Variants in NEB observed in about 807,000 individuals in gnomAD.
NEB encodes the protein nebulin.
Under a neutral mutation model 952.2 loss-of-function variants are expected in NEB, and 512 were observed. The ratio of observed to expected loss-of-function variants is 0.54; its 90% CI spans 0.50 to 0.58. The LOEUF (loss-of-function observed/expected upper bound fraction) is 0.58. Ranked by LOEUF, NEB falls within the 20% of genes least tolerant of loss-of-function variation. NEB has a pLI of 0.00. For synonymous variants in NEB, 2,900 were observed against 3,149.8 expected (o/e 0.92, Z 2.66); for missense variants, 8,428 against 9,231.1 (o/e 0.91, Z 3.56).
At chr2:151,563,064 G>A (rs1000026044) in intron 119 of NEB, among the ~76,000 whole-genome samples, 6 of 130,402 alleles carry the variant, frequency 4.6e-5, no homozygotes, top group African/African-American at 8.7e-5. Context: ...GCCCAGACTG[G>A]ATTGCAATGG....
intron 181 of NEB, among the ~76,000 whole-genome samples, chr2:151,487,288 A>T (rs1488399998): frequency 6.6e-6 from 1 of 152,212 alleles, no homozygotes; most frequent in Non-Finnish European, 1.5e-5. Flanking sequence ...TTGGAGGTAT[A>T]TAATAAGTGA....
rs748799656 is a variant in NEB at position 151,620,935 on chromosome 2, C to G, written c.10544G>C (p.Arg3515Pro). Residue 3515 changes from arginine to proline, a missense_variant, in exon 72 of 182, where the codon CGG (arginine) becomes CCG (proline). By Grantham distance (103) the Arg-to-Pro change is moderately radical (BLOSUM62 -2). This residue lies in a region of NEB where 1,772 missense variants were observed against 1,960.3 expected (regional missense o/e 0.90). Transcript: ENST00000397345. ...AIPIVAAKAS[R>P]DIASDYKYKE... Reference sequence around the variant, plus strand: ...AGCTCTTACATCACTGGCAATATCCCGAGAGGCCTTGGCAGCCACAATGGG... The same window carrying G: ...AGCTCTTACATCACTGGCAATATCCGGAGAGGCCTTGGCAGCCACAATGGG... 1 of 1,611,636 alleles carries G rather than the reference C, an allele frequency of 6.2e-7. No individual in the cohort carries two copies. Among genetic ancestry groups the G allele is most frequent in the Non-Finnish European group, 8.5e-7 (1 of 1,178,842 alleles).
Position 151,526,150 on chromosome 2 carries a change from G to T in NEB, c.22050+8C>A. The T allele has an allele frequency of 6.2e-7, 1 of 1,613,562 alleles. No homozygotes were observed. Among genetic ancestry groups the T allele is most frequent in the Non-Finnish European group, 8.5e-7 (1 of 1,179,522 alleles). On this transcript the variant is annotated splice_region_variant and intron_variant, in intron 149 of 181. Transcript: ENST00000397345. ...GGGAAGCAGAACTCATGGGCGGCTG[G>T]GGGTTACCTCAGACACCAGGTTGCT...
chr2:151,713,107 C>T (rs893162034), intron 10 of NEB, among the ~76,000 whole-genome samples: 6 of 152,154 alleles, frequency 3.9e-5, no homozygotes, highest in Non-Finnish European at 7.4e-5. Flanking sequence ...TGTTTCCCTC[C>T]TCCTCAGAGG....
chr2:151,629,901 C>G (rs1574373299), intron 67 of NEB, among the ~76,000 whole-genome samples: 1 of 151,214 alleles, frequency 6.6e-6, no homozygotes, highest in African/African-American at 2.4e-5. Flanking sequence ...GATTAATATG[C>G]TATACATAGA....
At position 151,581,848 on chromosome 2, in the gene NEB, A is replaced by G. The variant is rs2097110197; in HGVS notation, c.16180-261T>C. ...TCTCCGATATAAACGTAGATTATAC[A>G]TAGCATAAGCCACTGCACCTTGCCT... On this transcript the variant is annotated intron_variant, in intron 102 of 181. Coordinates refer to ENST00000397345, the MANE Select transcript of NEB (RefSeq NM_001164508.2). 2.1e-5 allele frequency among the ~76,000 whole-genome samples: 3 copies of G among 143,800 alleles called. No individual in the cohort carries two copies. In the Admixed American group the frequency reaches 2.1e-4, roughly 10 times the overall value. 94.3% of individuals were successfully genotyped at this position (143,800 alleles called of 152,430 possible). A position where few individuals can be genotyped will look rare whatever the true frequency, so the allele number is the denominator to read the frequency against.
At position 151,650,893 on chromosome 2, in the gene NEB, CAG is replaced by C; in HGVS notation, c.6916-10_6916-9del. 1 of 1,598,192 alleles carries C rather than the reference CAG, an allele frequency of 6.3e-7. No homozygotes were observed. Among genetic ancestry groups the C allele is most frequent in the South Asian group, 1.1e-5 (1 of 88,348 alleles). On this transcript the variant is annotated splice_polypyrimidine_tract_variant and intron_variant, in intron 52 of 181. Coordinates refer to ENST00000397345, the MANE Select transcript of NEB (RefSeq NM_001164508.2). ...GCCTTGTTTGTATTTATACTGAAAT[CAG>C]AGAAAACACAGCTCTTTTAGTACAC... is the stretch of plus-strand genomic sequence containing the variant.
chr2:151,657,578 A>G (rs2099099154), intron 48 of NEB, among the ~76,000 whole-genome samples: 1 of 152,222 alleles, frequency 6.6e-6, no homozygotes, highest in African/African-American at 2.4e-5. Context: ...TTTACTCATC[A>G]ACTATCATGA....
intron 146 of NEB, 123 bp from the exon 147 acceptor site, chr2:151,527,708 G>A (rs967433093): frequency 1.5e-6 from 1 of 687,550 alleles, no homozygotes; most frequent in South Asian, 1.9e-5. Flanking sequence ...AATGCAAGAG[G>A]AAGCCCCAAT....
Position 151,614,341 on chromosome 2 carries a change from A to G in NEB, c.11536T>C (p.Trp3846Arg), listed in dbSNP as rs751812161. The G allele has an allele frequency of 1.2e-6, 2 of 1,613,970 alleles. No individual in the cohort carries two copies. Among genetic ancestry groups the G allele is most frequent in the Middle Eastern group, 1.6e-4 (1 of 6,062 alleles). Residue 3846 changes from tryptophan to arginine, a missense_variant, in exon 77 of 182, where the codon TGG becomes CGG. By Grantham distance (101) the Trp-to-Arg change is moderately radical. Around this residue, in one of 11 missense-constraint regions of NEB, gnomAD observed 1,772 missense variants for 1,960.3 expected, o/e 0.90. Transcript: ENST00000397345. Reference protein sequence around the residue: ...DIDYKHPLHEWTCLPDQNDVI... With the variant: ...DIDYKHPLHERTCLPDQNDVI... ...TCATTCTGATCAGGCAGGCAGGTCC[A>G]TTCATGCAGGGGATGCTTGTAGTCT...
At chr2:151,723,298 T>G in intron 9 of NEB, 84 bp downstream of exon 9, 1 of 833,444 alleles carries the variant, frequency 1.2e-6, no homozygotes, top group South Asian at 1.9e-5. Context: ...TACAGAAGAG[T>G]TGCAGTGACC....
intron 157 of NEB, 27 bp downstream of exon 157, chr2:151,516,432 T>C (rs201482825): frequency 6.8e-7 from 1 of 1,460,610 alleles, no homozygotes; most frequent in South Asian, 1.2e-5. Context: ...TGGATCATTG[T>C]TGTGTGGTGT....
At position 151,717,477 on chromosome 2, in the gene NEB, G is replaced by A. The variant is rs376835458; in HGVS notation, c.761C>T (p.Thr254Met). The A allele has an allele frequency of 9.3e-6, 15 of 1,613,822 alleles. No individual in the cohort carries two copies. Among genetic ancestry groups the A allele is most frequent in the Admixed American group, 8.3e-5 (5 of 60,006 alleles). Residue 254 changes from threonine (T) to methionine (M), a missense_variant, in exon 10 of 182, where the codon ACG (threonine) becomes ATG (methionine). This residue lies in a region of NEB where 2,851 missense variants were observed against 2,791.5 expected (regional missense o/e 1.02). Coordinates refer to ENST00000397345, the MANE Select transcript of NEB (RefSeq NM_001164508.2). ...KGLAEQQAQFTPLADPPDIEF... is the reference protein window; with the variant it reads ...KGLAEQQAQFMPLADPPDIEF... ...TATATCTGGAGGATCAGCCAGAGGC[G>A]TGAATTGAGCTTGCTGTTCAGCGAG...
At chr2:151,641,857 A>C (rs2098859055) in intron 60 of NEB, among the ~76,000 whole-genome samples, 1 of 152,224 alleles carries the variant, frequency 6.6e-6, no homozygotes, top group Admixed American at 6.5e-5. Context: ...GTACATGTGC[A>C]CAACGTGCAG....
chr2:151,527,030 A>G lies in NEB; in HGVS notation c.21841-8T>C, dbSNP rs1375166730. On this transcript the variant is annotated splice_polypyrimidine_tract_variant and splice_region_variant and intron_variant, in intron 147 of 181. Coordinates refer to ENST00000397345, the MANE Select transcript of NEB (RefSeq NM_001164508.2). Reference sequence around the variant, plus strand: ...GTCCAGCTTATATTCAAACTGTGATAGAAGAAAGGCAGAAGAAAAGGGAAG... The same window carrying G: ...GTCCAGCTTATATTCAAACTGTGATGGAAGAAAGGCAGAAGAAAAGGGAAG... The G allele has an allele frequency of 3.8e-6, 6 of 1,568,716 alleles. No individual in the cohort carries two copies. The highest frequency in any genetic ancestry group is 2.3e-5 in the East Asian group (1 of 43,792).
chr2:151,549,827 C>T, intron 129 of NEB, 87 bp from the exon 130 acceptor site: 1 of 750,808 alleles, frequency 1.3e-6, no homozygotes, highest in South Asian at 1.6e-5. Flanking sequence ...GCTCATGTTA[C>T]AGTTTTGACT....
Position 151,706,830 on chromosome 2 carries a change from C to T in NEB, c.1152+51G>A, listed in dbSNP as rs943706967. On this transcript the variant is annotated intron_variant, in intron 13 of 181. Coordinates refer to ENST00000397345, the MANE Select transcript of NEB (RefSeq NM_001164508.2). ...TTTAGTCATTAAAGGAGAAAATTTT[C>T]ATCTCTTTTGCAGCTAAGGTTTAAA... 44 of 1,328,656 alleles carry T rather than the reference C, an allele frequency of 3.3e-5. No individual in the cohort carries two copies. The African/African-American group carries it at 4.0e-4, about 12-fold the overall frequency. 82.3% of individuals were successfully genotyped at this position (1,328,656 alleles called of 1,614,324 possible). A position where few individuals can be genotyped will look rare whatever the true frequency, so the allele number is the denominator to read the frequency against.
At chr2:151,610,419 A>C in intron 80 of NEB, 97 bp downstream of exon 80, 5 of 879,784 alleles carry the variant, frequency 5.7e-6, no homozygotes, top group Non-Finnish European at 9.2e-6. Flanking sequence ...ACTGGAAGGT[A>C]CATGTGGAAA....
At chr2:151,614,867 A>G (rs1364811032) in intron 76 of NEB, among the ~76,000 whole-genome samples, 1 of 152,176 alleles carries the variant, frequency 6.6e-6, no homozygotes, top group Admixed American at 6.6e-5. Flanking sequence ...CTCAGTTTAC[A>G]TTTGATTCCT....
Sources: allele counts gnomAD v4.1 joint callset (sites outside exome capture counted in the v4.1 genomes callset), GRCh38; gene constraint gnomAD v4.1.1; regional missense constraint gnomAD v4.1.1; transcripts MANE v1.5; gene names NCBI Gene and HGNC (gene_info 2026-07-23, HGNC 2026-07-21).